Variants in NECAB1 observed in about 807,000 individuals in gnomAD.
The protein encoded by NECAB1 is N-terminal EF-hand calcium-binding protein 1.
In NECAB1, 29 loss-of-function variants were observed where a neutral mutation model predicts 57.5. The ratio of observed to expected loss-of-function variants is 0.50; its 90% CI spans 0.38 to 0.69. The LOEUF (loss-of-function observed/expected upper bound fraction) is 0.69. Ranked by LOEUF, NECAB1 falls within the 30% of genes least tolerant of loss-of-function variation. NECAB1 has a pLI of 0.00. For synonymous variants in NECAB1, 142 were observed against 147.7 expected, an observed-to-expected ratio of 0.96 and a Z score of 0.28; for missense variants, 372 against 413.8, an observed-to-expected ratio of 0.90 and a Z score of 0.88.
intron 5 of NECAB1, among the ~76,000 whole-genome samples, chr8:90,892,644 C>T (rs368028598): frequency 3.9e-5 from 6 of 152,196 alleles, no homozygotes; most frequent in Admixed American, 6.5e-5. Context: ...ATGTTGGTCA[C>T]GTCCATCTTC....
chr8:90,807,757 T>C (rs1475888903), intron 2 of NECAB1, among the ~76,000 whole-genome samples: 1 of 152,090 alleles, frequency 6.6e-6, no homozygotes, highest in Admixed American at 6.5e-5. Flanking sequence ...ATTAGTAGGG[T>C]TCTCACATAG....
At chr8:90,910,479 T>A (rs1809805355) in intron 5 of NECAB1, among the ~76,000 whole-genome samples, 1 of 152,204 alleles carries the variant, frequency 6.6e-6, no homozygotes, top group African/African-American at 2.4e-5. Flanking sequence ...GTGGTTTGTC[T>A]TATAGTACTG....
At chr8:90,879,578 T>G (rs1808799645) in intron 4 of NECAB1, among the ~76,000 whole-genome samples, 1 of 152,172 alleles carries the variant, frequency 6.6e-6, no homozygotes, top group East Asian at 1.9e-4. Context: ...TTTCTTATGC[T>G]TTTTGCTTGT....
chr8:90,842,471 G>C (rs895931202), intron 3 of NECAB1, among the ~76,000 whole-genome samples: 2 of 152,310 alleles, frequency 1.3e-5, no homozygotes, highest in Non-Finnish European at 2.9e-5. Context: ...CTGTCTGCAG[G>C]GGAACATCAT....
chr8:90,946,526 G>A (rs1486254812), intron 10 of NECAB1, among the ~76,000 whole-genome samples: 1 of 152,192 alleles, frequency 6.6e-6, no homozygotes, highest in Non-Finnish European at 1.5e-5. Context: ...CACAGTAACA[G>A]TCATTTATAT....
intron 2 of NECAB1, among the ~76,000 whole-genome samples, chr8:90,820,171 T>A (rs1586040158): frequency 6.6e-6 from 1 of 152,032 alleles, no homozygotes; most frequent in South Asian, 2.1e-4. Context: ...TCTTTCCAGA[T>A]TTGGGGTAGC....
intron 10 of NECAB1, among the ~76,000 whole-genome samples, chr8:90,946,224 A>C (rs1156592067): frequency 6.6e-6 from 1 of 152,162 alleles, no homozygotes; most frequent in Non-Finnish European, 1.5e-5. Context: ...TAGCACTTTC[A>C]CCCATGTGCC....
intron 3 of NECAB1, among the ~76,000 whole-genome samples, chr8:90,837,591 C>G (rs920915927): frequency 2.0e-5 from 3 of 152,210 alleles, no homozygotes; most frequent in Admixed American, 6.5e-5. Flanking sequence ...GGGAAAATTA[C>G]TGTAATTGAA....
chr8:90,802,123 C>T (rs549809354), intron 2 of NECAB1, among the ~76,000 whole-genome samples: 13 of 152,268 alleles, frequency 8.5e-5, no homozygotes, highest in East Asian at 1.9e-4. Flanking sequence ...CTGTATGACA[C>T]GCAAGTCTGG....
chr8:90,875,563 G>C (rs1349494635), intron 4 of NECAB1, among the ~76,000 whole-genome samples: 1 of 147,704 alleles, frequency 6.8e-6, no homozygotes, highest in Non-Finnish European at 1.5e-5. Flanking sequence ...TAATTGCAAT[G>C]AATGTGCTTG....
Position 90,849,045 on chromosome 8 carries a change from C to G in NECAB1, c.234-23083C>G, listed in dbSNP as rs150802570. Among the ~76,000 whole-genome samples the G allele has an allele frequency of 2.1e-4, 32 of 152,322 alleles. 1 individual carries two copies. The East Asian group carries it at 6.0e-3, about 28-fold the overall frequency. On this transcript the variant is annotated intron_variant, in intron 3 of 12. Transcript: ENST00000417640. Reference sequence around the variant, plus strand: ...CACCCCCAATGATTCAATTACCTCCCACCCCATGTCCCTCCCATGACATAT... The same window carrying G: ...CACCCCCAATGATTCAATTACCTCCGACCCCATGTCCCTCCCATGACATAT...
intron 6 of NECAB1, among the ~76,000 whole-genome samples, chr8:90,923,129 GGA>G (rs1810169318): frequency 6.6e-6 from 1 of 152,126 alleles, no homozygotes; most frequent in Non-Finnish European, 1.5e-5. Context: ...TGTACCATGT[GGA>G]ACTGAAAATG....
rs1311828989 is a variant in NECAB1 at position 90,801,676 on chromosome 8, C to T, written c.100-15C>T. On this transcript the variant is annotated splice_polypyrimidine_tract_variant and intron_variant, in intron 1 of 12. Transcript: ENST00000417640. ...TCTAAAATGCTGATAAAATTTTTTC[C>T]TTTTTCCTTTCCAGATACTGAGGAG... 6.6e-7 allele frequency: 1 copy of T among 1,512,580 alleles called. No homozygotes were observed. The highest frequency in any genetic ancestry group is 1.4e-5 in the African/African-American group (1 of 71,714). 93.7% of individuals were successfully genotyped at this position (1,512,580 alleles called of 1,614,324 possible). A position where few individuals can be genotyped will look rare whatever the true frequency, so the allele number is the denominator to read the frequency against.
intron 5 of NECAB1, among the ~76,000 whole-genome samples, chr8:90,887,881 C>T (rs938735146): frequency 1.1e-4 from 17 of 152,112 alleles, no homozygotes; most frequent in Non-Finnish European, 2.4e-4. Context: ...TGTGATCTTG[C>T]AAATAATCTT....
At chr8:90,876,102 G>C (rs1382671564) in intron 4 of NECAB1, among the ~76,000 whole-genome samples, 1 of 152,152 alleles carries the variant, frequency 6.6e-6, no homozygotes, top group East Asian at 1.9e-4. Context: ...TCATACCCAA[G>C]GTTCCTTTCG....
intron 6 of NECAB1, among the ~76,000 whole-genome samples, chr8:90,920,504 T>A (rs1810081924): frequency 6.6e-6 from 1 of 152,178 alleles, no homozygotes; most frequent in Non-Finnish European, 1.5e-5. Flanking sequence ...AAGAGACCAG[T>A]GAAAACGCCT....
At chr8:90,831,688 T>C (rs936808970) in intron 3 of NECAB1, among the ~76,000 whole-genome samples, 1 of 152,130 alleles carries the variant, frequency 6.6e-6, no homozygotes, top group South Asian at 2.1e-4. Context: ...ATTCTCTTCC[T>C]AGTACAGCCA....
chr8:90,842,034 G>A (rs780616014), intron 3 of NECAB1, among the ~76,000 whole-genome samples: 13 of 152,198 alleles, frequency 8.5e-5, no homozygotes, highest in African/African-American at 2.4e-4. Context: ...GGGCCTGTGG[G>A]AGGGTGAGGG....
intron 3 of NECAB1, among the ~76,000 whole-genome samples, chr8:90,835,857 A>T (rs1812363277): frequency 6.6e-6 from 1 of 152,248 alleles, no homozygotes. Context: ...TTGATGTAAG[A>T]AAGGCGTGCA....
Sources: allele counts gnomAD v4.1 joint callset (sites outside exome capture counted in the v4.1 genomes callset), GRCh38; gene constraint gnomAD v4.1.1; transcripts MANE v1.5; gene names NCBI Gene and HGNC (gene_info 2026-07-23, HGNC 2026-07-21).